Variants in ROBO1 observed in about 807,000 individuals in gnomAD.
The protein encoded by ROBO1 is roundabout homolog 1.
In ROBO1, 149 loss-of-function variants were observed where a neutral mutation model predicts 195.9. The observed-to-expected ratio is 0.76, with a 90% CI of 0.67 to 0.87. The LOEUF is 0.87. Among genes scored for constraint, ROBO1 ranks in the 40% least tolerant of loss-of-function variants. ROBO1 has a pLI of 0.00. For missense variants in ROBO1, 1,933 were observed against 2,068.3 expected, an observed-to-expected ratio of 0.93 and a Z score of 1.27; for synonymous variants, 816 against 733.2, an observed-to-expected ratio of 1.11 and a Z score of -1.82.
At chr3:79,488,512 T>A (rs1231656360) in intron 2 of ROBO1, among the ~76,000 whole-genome samples, 1 of 152,190 alleles carries the variant, frequency 6.6e-6, no homozygotes, top group Non-Finnish European at 1.5e-5. Flanking sequence ...CCATATGTCA[T>A]AATTTCCAGT....
chr3:79,383,560 C>A (rs2036640541), intron 2 of ROBO1, among the ~76,000 whole-genome samples: 1 of 152,044 alleles, frequency 6.6e-6, no homozygotes, highest in South Asian at 2.1e-4. Flanking sequence ...TTGTTCCTTT[C>A]AGTTTTGCTT....
chr3:79,686,211 G>A (rs544617998), intron 1 of ROBO1, among the ~76,000 whole-genome samples: 4 of 152,060 alleles, frequency 2.6e-5, no homozygotes, highest in African/African-American at 4.8e-5. Flanking sequence ...GGTATTGATG[G>A]GACATATCTC....
chr3:79,762,514 A>G (rs1169804890), intron 1 of ROBO1, among the ~76,000 whole-genome samples: 2 of 133,040 alleles, frequency 1.5e-5, no homozygotes, highest in African/African-American at 2.6e-5. Flanking sequence ...TCTTAACATG[A>G]AGGTCTTCAC....
At chr3:78,898,595 T>G (rs1459190471) in intron 4 of ROBO1, among the ~76,000 whole-genome samples, 1 of 151,668 alleles carries the variant, frequency 6.6e-6, no homozygotes, top group Non-Finnish European at 1.5e-5. Flanking sequence ...TTCACCGTGT[T>G]AGCCAGGATG....
In ROBO1 at chr3:79,631,900, G is replaced by C. The variant is rs751051678; in HGVS notation, c.-50-41939C>G. 5.4e-4 allele frequency among the ~76,000 whole-genome samples: 82 copies of C among 152,132 alleles called. 1 individual carries two copies. Among genetic ancestry groups the C allele is most frequent in the Non-Finnish European group, 9.4e-4 (64 of 67,952 alleles). On this transcript the variant is annotated intron_variant, in intron 1 of 30. Coordinates refer to ENST00000464233, the MANE Select transcript of ROBO1 (RefSeq NM_002941.4). ...ATGCTCAACATCACTAATTATAAGAGAAATGCAAGTTAAACCACAGTGAGA... is the reference window on the plus strand; with the variant it reads ...ATGCTCAACATCACTAATTATAAGACAAATGCAAGTTAAACCACAGTGAGA...
At chr3:79,520,849 A>C (rs1941178953) in intron 2 of ROBO1, among the ~76,000 whole-genome samples, 1 of 152,190 alleles carries the variant, frequency 6.6e-6, no homozygotes. Flanking sequence ...CAAAAAAAAA[A>C]ACACTTTTAT....
chr3:79,686,244 A>G (rs1290367840), intron 1 of ROBO1, among the ~76,000 whole-genome samples: 1 of 152,212 alleles, frequency 6.6e-6, no homozygotes, highest in Non-Finnish European at 1.5e-5. Context: ...GCTATCTATG[A>G]CAAACCCATA....
In ROBO1 at chr3:78,635,898, AG is replaced by A; in HGVS notation, c.3247del (p.Leu1083SerfsTer5). On this transcript the variant is annotated frameshift_variant, in exon 23 of 31. Coordinates refer to ENST00000464233, the MANE Select transcript of ROBO1 (RefSeq NM_002941.4). LOFTEE classifies it high-confidence loss of function. The stretch of plus-strand genomic sequence containing the variant: ...GCTGCCATTGTTCATGTTGTTGCTG[AG>A]GTTTGACTGGATGAGCTGAGTGGTG... ...YATTQLIQSN[L>X]SNNMNNGSGD... 1 of 1,613,816 alleles carries A rather than the reference AG, an allele frequency of 6.2e-7. No homozygotes were observed. The highest frequency in any genetic ancestry group is 8.5e-7 in the Non-Finnish European group (1 of 1,179,828).
intron 3 of ROBO1, among the ~76,000 whole-genome samples, chr3:79,053,155 C>G (rs182420434): frequency 1.3e-5 from 2 of 151,984 alleles, no homozygotes; most frequent in Admixed American, 1.3e-4. Context: ...TTGATACGTG[C>G]CATCCTAATG....
intron 3 of ROBO1, among the ~76,000 whole-genome samples, chr3:79,097,986 A>G (rs2079601861): frequency 6.6e-6 from 1 of 151,826 alleles, no homozygotes; most frequent in Non-Finnish European, 1.5e-5. Flanking sequence ...TACACTATCC[A>G]GAAAGCAGAC....
intron 2 of ROBO1, among the ~76,000 whole-genome samples, chr3:79,267,973 T>C (rs2030144219): frequency 6.6e-6 from 1 of 151,606 alleles, no homozygotes; most frequent in African/African-American, 2.4e-5. Context: ...TCATCATCCA[T>C]GGGAAAATCA....
At chr3:78,677,963 T>A (rs1452426305) in intron 10 of ROBO1, among the ~76,000 whole-genome samples, 15 of 151,620 alleles carry the variant, frequency 9.9e-5, no homozygotes, top group African/African-American at 3.6e-4. Context: ...ACAGAAATTA[T>A]AACAAACTGT....
intron 1 of ROBO1, among the ~76,000 whole-genome samples, chr3:79,735,631 G>A (rs2107383130): frequency 6.6e-6 from 1 of 152,308 alleles, no homozygotes; most frequent in East Asian, 1.9e-4. Context: ...AGCACTTTGG[G>A]AGGCCGAGGC....
intron 1 of ROBO1, among the ~76,000 whole-genome samples, chr3:79,625,478 G>GAA (rs1945147323): frequency 1.3e-5 from 1 of 77,340 alleles, no homozygotes; most frequent in Admixed American, 1.4e-4. Context: ...TAGTAAAAAA[G>GAA]AAAAGAGAGA....
At chr3:78,984,193 GGAT>G (rs754734864) in intron 3 of ROBO1, among the ~76,000 whole-genome samples, 1 of 152,018 alleles carries the variant, frequency 6.6e-6, no homozygotes, top group African/African-American at 2.4e-5. Context: ...GTGATGATGA[GGAT>G]GATGATGATG....
At chr3:79,167,823 C>A (rs2081095779) in intron 2 of ROBO1, among the ~76,000 whole-genome samples, 1 of 152,064 alleles carries the variant, frequency 6.6e-6, no homozygotes, top group Non-Finnish European at 1.5e-5. Context: ...ATGACTCAGG[C>A]AAGTTATTTG....
intron 4 of ROBO1, among the ~76,000 whole-genome samples, chr3:78,857,826 C>A (rs1179725518): frequency 6.6e-6 from 1 of 152,158 alleles, no homozygotes; most frequent in Non-Finnish European, 1.5e-5. Flanking sequence ...CAGGCGTTAA[C>A]TCATAAGGCC....
At chr3:79,159,560 G>C (rs574443279) in intron 2 of ROBO1, among the ~76,000 whole-genome samples, 14 of 152,066 alleles carry the variant, frequency 9.2e-5, no homozygotes, top group African/African-American at 1.4e-4. Context: ...TATTTGAAGA[G>C]AGCAACCATT....
chr3:79,578,029 C>A (rs1300032918), intron 2 of ROBO1, among the ~76,000 whole-genome samples: 1 of 151,286 alleles, frequency 6.6e-6, no homozygotes, highest in Non-Finnish European at 1.5e-5. Flanking sequence ...CACCAAAGAA[C>A]AAATACAGAT....
Sources: allele counts gnomAD v4.1 joint callset (sites outside exome capture counted in the v4.1 genomes callset), GRCh38; gene constraint gnomAD v4.1.1; transcripts MANE v1.5; gene names NCBI Gene and HGNC (gene_info 2026-07-23, HGNC 2026-07-21).